Variants in SMARCA2 observed in about 807,000 individuals in gnomAD.
SMARCA2 encodes the protein SWI/SNF related BAF chromatin remodeling complex subunit ATPase 2.
Under a neutral mutation model 199.8 loss-of-function variants are expected in SMARCA2, and 61 were observed. The ratio of observed to expected loss-of-function variants is 0.31; its 90% confidence interval spans 0.25 to 0.38. The LOEUF (loss-of-function observed/expected upper bound fraction) is 0.38. SMARCA2 is among the 10% of genes least tolerant of loss of function. SMARCA2 has a pLI of 1.00. For missense variants in SMARCA2, 1,344 were observed against 2,012.2 expected (o/e 0.67, Z 6.35); for synonymous variants, 935 against 732.0 (o/e 1.28, Z -4.48).
chr9:2,124,861 C>A (rs940314510), intron 27 of SMARCA2, among the ~76,000 whole-genome samples: 1 of 152,114 alleles, frequency 6.6e-6, no homozygotes, highest in African/African-American at 2.4e-5. Flanking sequence ...GACTTAGTAC[C>A]TAGAAAGGCA....
chr9:2,048,781 A>G (rs1360171578), intron 5 of SMARCA2, among the ~76,000 whole-genome samples: 2 of 152,166 alleles, frequency 1.3e-5, no homozygotes, highest in Admixed American at 6.5e-5. Context: ...CTAGATACTC[A>G]TTGTCAATTG....
At position 2,029,176 on chromosome 9, in the gene SMARCA2, A is replaced by G. The variant is rs763439455; in HGVS notation, c.154A>G (p.Ser52Gly). Residue 52 changes from serine (S) to glycine (G), a missense_variant, in exon 2 of 34, where the codon AGT becomes GGT. Physicochemically the swap from Ser to Gly is moderately conservative, Grantham distance 56. Coordinates refer to ENST00000349721, the MANE Select transcript of SMARCA2 (RefSeq NM_003070.5). ...SMMGPSPGPP[S>G]VSHPMPTMGS... ...GATGGGGCCAAGTCCTGGACCTCCA[A>G]GTGTCTCCCATCCTATGCCGACGAT... 5 of 1,613,372 alleles carry G rather than the reference A, an allele frequency of 3.1e-6. No homozygotes were observed. In the South Asian group the frequency reaches 5.5e-5, roughly 18 times the overall value.
chr9:2,099,507 G>A (rs1274870330), intron 21 of SMARCA2, among the ~76,000 whole-genome samples: 1 of 152,138 alleles, frequency 6.6e-6, no homozygotes, highest in Non-Finnish European at 1.5e-5. Flanking sequence ...TTTGGAGGGT[G>A]GGAAAGGATA....
chr9:2,135,906 A>G (rs1452703501), intron 27 of SMARCA2, among the ~76,000 whole-genome samples: 1 of 151,802 alleles, frequency 6.6e-6, no homozygotes. Flanking sequence ...CAATGGTGCA[A>G]TCTTGGCTCA....
At chr9:2,111,428 G>C (rs892325715) in intron 24 of SMARCA2, among the ~76,000 whole-genome samples, 2 of 149,064 alleles carry the variant, frequency 1.3e-5, no homozygotes, top group African/African-American at 4.9e-5. Flanking sequence ...GGAGGCAGAG[G>C]CTATAGTGAG....
chr9:2,042,319 G>A (rs1819641659), intron 4 of SMARCA2: 1 of 152,224 alleles, frequency 6.6e-6, no homozygotes, highest in African/African-American at 2.4e-5. Context: ...CCAAAAGGTA[G>A]TAGTCTGGGA....
chr9:2,113,248 A>T (rs1823081041), intron 24 of SMARCA2, among the ~76,000 whole-genome samples: 1 of 150,052 alleles, frequency 6.7e-6, no homozygotes, highest in Non-Finnish European at 1.5e-5. Flanking sequence ...AGAACTCGTG[A>T]TTGTGGAATT....
intron 9 of SMARCA2, among the ~76,000 whole-genome samples, chr9:2,067,054 A>G (rs1010773334): frequency 6.6e-6 from 1 of 152,214 alleles, no homozygotes; most frequent in African/African-American, 2.4e-5. Context: ...GGAGGAGTTG[A>G]TATCTCTTGT....
intron 12 of SMARCA2, among the ~76,000 whole-genome samples, chr9:2,075,834 T>TG (rs1298627709): frequency 6.6e-6 from 1 of 151,924 alleles, no homozygotes; most frequent in African/African-American, 2.4e-5. Context: ...TCAGAGAGAG[T>TG]GTTTTTATGA....
At chr9:2,103,498 A>G (rs1586708234) in intron 22 of SMARCA2, among the ~76,000 whole-genome samples, 3 of 152,288 alleles carry the variant, frequency 2.0e-5, no homozygotes, top group East Asian at 3.9e-4. Context: ...TTATTATTAT[A>G]TACATGGCTA....
chr9:2,089,603 A>C (rs746849440), intron 19 of SMARCA2, among the ~76,000 whole-genome samples: 11 of 152,222 alleles, frequency 7.2e-5, no homozygotes, highest in Admixed American at 2.6e-4. Flanking sequence ...AAAATTAAAA[A>C]TGACTTTTAT....
At chr9:2,189,896 A>T (rs566642104) in intron 32 of SMARCA2, among the ~76,000 whole-genome samples, 1 of 144,514 alleles carries the variant, frequency 6.9e-6, no homozygotes, top group African/African-American at 2.8e-5. Context: ...TTCACAAAAG[A>T]AGTCTGAAAC....
At chr9:2,085,254 G>C (rs1821750759) in intron 17 of SMARCA2, among the ~76,000 whole-genome samples, 1 of 152,114 alleles carries the variant, frequency 6.6e-6, no homozygotes, top group Admixed American at 6.6e-5. Flanking sequence ...TATTACTATG[G>C]GAATGTGTTT....
At chr9:2,076,581 C>G (rs1250710977) in intron 13 of SMARCA2, among the ~76,000 whole-genome samples, 1 of 151,880 alleles carries the variant, frequency 6.6e-6, no homozygotes, top group Non-Finnish European at 1.5e-5. Flanking sequence ...CTTCTCTCTC[C>G]TTAATCCCCA....
Position 2,150,582 on chromosome 9 carries a change from T to A in SMARCA2, c.3982-11104T>A, listed in dbSNP as rs118168142. Among the ~76,000 whole-genome samples the A allele has an allele frequency of 9.2e-5, 14 of 151,828 alleles. No homozygotes were observed. In the East Asian group the frequency reaches 2.5e-3, roughly 27 times the overall value. ...TTTACTCCGAGGGGTGTGTTATATG[T>A]GCCTACGAGCAGCGTTGCTTTGCAC... On this transcript the variant is annotated intron_variant, in intron 27 of 33. Coordinates refer to ENST00000349721, the MANE Select transcript of SMARCA2 (RefSeq NM_003070.5).
chr9:2,190,275 A>C (rs1010797856), intron 32 of SMARCA2, among the ~76,000 whole-genome samples: 1 of 152,190 alleles, frequency 6.6e-6, no homozygotes, highest in Non-Finnish European at 1.5e-5. Flanking sequence ...GGACATGTCC[A>C]CCATACCTCC....
rs909477585 is a variant in SMARCA2 at position 2,170,554 on chromosome 9, C to T, written c.4253+82C>T. ...AAACAGATTGAATCATATAATCGGC[C>T]TTTGGAAGCAAATTTCTTCGGTCAC... On this transcript the variant is annotated intron_variant, in intron 29 of 33. Coordinates refer to ENST00000349721, the MANE Select transcript of SMARCA2 (RefSeq NM_003070.5). The surrounding 1 kb of genome is among the most constrained non-coding windows in gnomAD (Gnocchi z 4.7). The T allele has an allele frequency of 6.2e-7, 1 of 1,606,290 alleles. No homozygotes were observed. The highest frequency in any genetic ancestry group is 1.7e-5 in the Admixed American group (1 of 59,618).
intron 2 of SMARCA2, among the ~76,000 whole-genome samples, chr9:2,031,394 T>G (rs1364873882): frequency 6.6e-6 from 1 of 152,238 alleles, no homozygotes; most frequent in Non-Finnish European, 1.5e-5. Flanking sequence ...GATCAATGAC[T>G]TGTAAACCTT....
intron 27 of SMARCA2, among the ~76,000 whole-genome samples, chr9:2,135,999 G>A (rs554849436): frequency 5.4e-5 from 8 of 147,360 alleles, no homozygotes; most frequent in Non-Finnish European, 7.5e-5. Flanking sequence ...GTGCCACCAC[G>A]CCCGGCTAAT....
Sources: gnomAD v4.1 joint callset for allele counts (sites outside exome capture counted in the v4.1 genomes callset) on GRCh38, gnomAD v4.1.1 for gene constraint, Gnocchi (gnomAD v3.1) non-coding constraint, MANE v1.5 for transcripts, NCBI Gene and HGNC (gene_info 2026-07-23, HGNC 2026-07-21) for gene names.